The following MROH6 variants were observed in gnomAD, a reference collection of about 807,000 sequenced individuals.
The protein encoded by MROH6 is maestro heat-like repeat-containing protein family member 6.
MROH6 carries 62 observed loss-of-function variants against 67.7 expected under a neutral mutation model. The ratio of observed to expected loss-of-function variants is 0.92; its 90% CI spans 0.75 to 1.13. MROH6 has a LOEUF of 1.13. Ranked by LOEUF, MROH6 falls within the 50% of genes most tolerant of loss-of-function variation. MROH6 has a pLI of 0.00. For synonymous variants in MROH6, 566 were observed against 470.8 expected, an observed-to-expected ratio of 1.20 and a Z score of -2.62; for missense variants, 1,175 against 1,029.1, an observed-to-expected ratio of 1.14 and a Z score of -1.94.
In MROH6 at chr8:143,572,435, C is replaced by A; in HGVS notation, c.280G>T (p.Glu94Ter). Reference protein sequence around the residue: ...SLNSALEPAPEGPHQVPQSSW... With the variant: ...SLNSALEPAP ...TCCCCCGTCACCTGGTGGGGCCCCT[C>A]AGGGGCTGGTTCCAGGGCACTGTTG... is the stretch of plus-strand genomic sequence containing the variant. Residue 94 changes from glutamate (E) to a stop codon, truncating the protein, a stop_gained, in exon 1 of 14, where the codon GAG (glutamate) becomes TAG (stop). Transcript: ENST00000398882. LOFTEE classifies it high-confidence loss of function. The A allele has an allele frequency of 6.3e-7, 1 of 1,583,848 alleles. No homozygotes were observed. The highest frequency in any genetic ancestry group is 8.6e-7 in the Non-Finnish European group (1 of 1,168,156).
At position 143,569,686 on chromosome 8, in the gene MROH6, TTC is replaced by T. The variant is rs778282535; in HGVS notation, c.1302+9_1302+10del. 6.2e-7 allele frequency: 1 copy of T among 1,611,650 alleles called. No homozygotes were observed. Among genetic ancestry groups the T allele is most frequent in the East Asian group, 2.2e-5 (1 of 44,818 alleles). Reference sequence around the variant, plus strand: ...GCCAAGCCCCTCTCCACCCCTCCCCTTCTCTCACACCTTCCTGCGATTCAGCG... The same window carrying T: ...GCCAAGCCCCTCTCCACCCCTCCCCTTCTCACACCTTCCTGCGATTCAGCG... On this transcript the variant is annotated intron_variant, in intron 8 of 13. Transcript: ENST00000398882.
rs771100256 is a variant in MROH6, at chr8:143,568,231, G to C, written c.1675C>G (p.His559Asp). The C allele has an allele frequency of 6.2e-7, 1 of 1,610,576 alleles. No individual in the cohort carries two copies. The highest frequency in any genetic ancestry group is 2.2e-5 in the East Asian group (1 of 44,810). The change falls in exon 11 of 14, where the codon CAC becomes GAC. Residue 559 changes from histidine (H) to aspartate (D), a missense_variant. Transcript: ENST00000398882. ...TCCAGCAGGCCCCAGCAAAAGGCGTGGTCACAGCGGGCCAGGGTCCACTCT... is the reference window on the plus strand; with the variant it reads ...TCCAGCAGGCCCCAGCAAAAGGCGTCGTCACAGCGGGCCAGGGTCCACTCT... Reference protein sequence around the residue: ...SSEWTLARCDHAFCWGLLEEL... With the variant: ...SSEWTLARCDDAFCWGLLEEL...
At chr8:143,570,434 A>G (rs759801482) in intron 5 of MROH6, 39 bp downstream of exon 5, 1 of 1,606,228 alleles carries the variant, frequency 6.2e-7, no homozygotes, top group Non-Finnish European at 8.5e-7. Context: ...GGGTGACAGC[A>G]TGCTGGCCCG....
At chr8:143,570,440 GCCCGCCCC>G (rs767868140) in intron 5 of MROH6, 25 bp downstream of exon 5, 1 of 1,202,070 alleles carries the variant, frequency 8.3e-7, no homozygotes, top group South Asian at 1.9e-5. Flanking sequence ...CAGCATGCTG[GCCCGCCCC>G]ACGTAACCTG....
chr8:143,571,475 G>C (rs1219152682), intron 3 of MROH6, among the ~76,000 whole-genome samples, 192 bp downstream of exon 3: 1 of 152,238 alleles, frequency 6.6e-6, no homozygotes, highest in African/African-American at 2.4e-5. Flanking sequence ...CTCTGTGGCA[G>C]GAGTGTGGGG....
At chr8:143,570,798 C>A in intron 4 of MROH6, 79 bp downstream of exon 4, 1 of 1,418,892 alleles carries the variant, frequency 7.0e-7, no homozygotes. Context: ...TAGGTGCAAA[C>A]TCCCTATGCC....
intron 2 of MROH6, 59 bp downstream of exon 2, chr8:143,571,974 A>G: frequency 6.6e-7 from 1 of 1,525,474 alleles, no homozygotes; most frequent in Non-Finnish European, 8.8e-7. Context: ...GGCCCCTCCC[A>G]CCACCTTGGT....
At chr8:143,571,497 A>T (rs1182854252) in intron 3 of MROH6, among the ~76,000 whole-genome samples, 170 bp downstream of exon 3, 3 of 152,112 alleles carry the variant, frequency 2.0e-5, no homozygotes, top group Non-Finnish European at 2.9e-5. Context: ...GAGTTTGCGG[A>T]GCTAAAAATG....
chr8:143,570,048 G>C lies in MROH6; in HGVS notation c.1061C>G (p.Ala354Gly). The C allele has an allele frequency of 6.2e-7, 1 of 1,611,516 alleles. No homozygotes were observed. Among genetic ancestry groups the C allele is most frequent in the Non-Finnish European group, 8.5e-7 (1 of 1,179,774 alleles). Residue 354 changes from alanine (A) to glycine (G), a missense_variant, in exon 7 of 14, where the codon GCC becomes GGC. Transcript: ENST00000398882. ...LLLASAMVAH[A>G]DHHLRGLFAD... ...GAAGAGGCCTCGCAGGTGGTGGTCGGCATGTGCCACCATAGCACTGGGGTG... is the reference window on the plus strand; with the variant it reads ...GAAGAGGCCTCGCAGGTGGTGGTCGCCATGTGCCACCATAGCACTGGGGTG...
rs918138399 is a variant in MROH6, at chr8:143,572,503, C to G, written c.212G>C (p.Arg71Pro). The G allele has an allele frequency of 1.2e-6, 2 of 1,604,926 alleles. No individual in the cohort carries two copies. The highest frequency in any genetic ancestry group is 1.7e-5 in the Admixed American group (1 of 59,338). The stretch of plus-strand genomic sequence containing the variant: ...GCCAGCTTCAGGGACGGTGGCCCCA[C>G]GTCCAGGCTCTGCCTCAGAGGGGGC... ...LTAPSEAEPGRGATVPEAGSE... is the reference protein window; with the variant it reads ...LTAPSEAEPGPGATVPEAGSE... Residue 71 changes from arginine to proline, a missense_variant, in exon 1 of 14, where the codon CGT becomes CCT. Arg to Pro is a moderately radical substitution (Grantham distance 103, BLOSUM62 -2). Transcript: ENST00000398882.
At chr8:143,571,148 G>C (rs1436500345) in intron 3 of MROH6, among the ~76,000 whole-genome samples, 154 bp from the exon 4 acceptor site, 1 of 152,168 alleles carries the variant, frequency 6.6e-6, no homozygotes, top group Non-Finnish European at 1.5e-5. Flanking sequence ...AAATCTCAGA[G>C]AAACAAATGA....
At position 143,570,022 on chromosome 8, in the gene MROH6, C is replaced by T. The variant is rs1479475802; in HGVS notation, c.1087G>A (p.Ala363Thr). Residue 363 changes from alanine to threonine, a missense_variant, in exon 7 of 14, where the codon GCA (alanine) becomes ACA (threonine). Transcript: ENST00000398882. The part of the protein sequence containing the change: ...HADHHLRGLF[A>T]DLLPRLRSAD... ...CTGCGAAGCCGAGGGAGCAAGTCTG[C>T]GAAGAGGCCTCGCAGGTGGTGGTCG... 1.2e-6 allele frequency: 2 copies of T among 1,612,818 alleles called. No individual in the cohort carries two copies. The highest frequency in any genetic ancestry group is 1.7e-5 in the Admixed American group (1 of 60,000).
Position 143,567,441 on chromosome 8 carries a change from G to T in MROH6, c.1958C>A (p.Pro653His). 1 of 1,361,262 alleles carries T rather than the reference G, an allele frequency of 7.3e-7. No homozygotes were observed. The highest frequency in any genetic ancestry group is 9.5e-7 in the Non-Finnish European group (1 of 1,054,972). 84.3% of individuals were successfully genotyped at this position (1,361,262 alleles called of 1,614,324 possible). Residue 653 changes from proline (P) to histidine (H), a missense_variant, in exon 14 of 14, where the codon CCC becomes CAC. Physicochemically the swap from Pro to His is moderately conservative, Grantham distance 77 (BLOSUM62 -2). Transcript: ENST00000398882. ...FQDLGRLQSD[P>H]KPAVAAAAHV... Reference sequence around the variant, plus strand: ...CGCTGCCGCGGCCACAGCCGGCTTGGGGTCGCTCTGCAGTCGCCCTAGGTC... The same window carrying T: ...CGCTGCCGCGGCCACAGCCGGCTTGTGGTCGCTCTGCAGTCGCCCTAGGTC...
At chr8:143,568,843 G>A (rs1309508807) in intron 9 of MROH6, 124 bp from the exon 10 acceptor site, 3 of 720,698 alleles carry the variant, frequency 4.2e-6, no homozygotes, top group Non-Finnish European at 6.5e-6. Context: ...GGTGTGATCT[G>A]GGGACAGGGA....
In MROH6 at chr8:143,570,933, C is replaced by G; in HGVS notation, c.664G>C (p.Val222Leu). 6.5e-7 allele frequency: 1 copy of G among 1,549,000 alleles called. No homozygotes were observed. The highest frequency in any genetic ancestry group is 8.7e-7 in the Non-Finnish European group (1 of 1,146,916). ...CCCTTCAGCGCCCACAGCAGTTGCA[C>G]CAGCACCTGCCCATTTACACGCTGG... ...RNQRVNGQVL[V>L]QLLWALKGAS... The change falls in exon 4 of 14, where the codon GTG becomes CTG. Residue 222 changes from valine (V) to leucine (L), a missense_variant. Physicochemically the swap from Val to Leu is conservative, Grantham distance 32. Transcript: ENST00000398882.
chr8:143,570,829 A>ACCCCCC, intron 4 of MROH6, 48 bp downstream of exon 4: 57 of 572,202 alleles, frequency 1.0e-4, no homozygotes, highest in Middle Eastern at 5.3e-4. Flanking sequence ...GCTCCTCGCC[A>ACCCCCC]CCCCCCACCC....
rs13255489 is a variant in MROH6 at position 143,567,798 on chromosome 8, C to T, written c.1855G>A (p.Ala619Thr). 1,219,391 of 1,540,424 alleles carry T rather than the reference C, an allele frequency of 0.79. 484,533 individuals carry two copies. Among genetic ancestry groups the T allele is most frequent in the East Asian group, 0.97 (42,524 of 44,016 alleles). The change falls in exon 12 of 14, where the codon GCC becomes ACC. Residue 619 changes from alanine to threonine, a missense_variant. Coordinates refer to ENST00000398882, the MANE Select transcript of MROH6 (RefSeq NM_001100878.2). ...CGGGCGGCCTCACCTATAAGCACGG[C>T]GGCTGCCCGGCGCAGGGGGTCCTGT... ...SPQDPLRRAA[A>T]VLIGFLVHHA...
chr8:143,568,785 G>C, intron 9 of MROH6, 66 bp from the exon 10 acceptor site: 1 of 1,256,894 alleles, frequency 8.0e-7, no homozygotes, highest in Non-Finnish European at 1.1e-6. Context: ...GGAGGGGGCG[G>C]CCAGCGCGGA....
intron 3 of MROH6, 38 bp downstream of exon 3, chr8:143,571,629 G>T: frequency 6.4e-7 from 1 of 1,551,762 alleles, no homozygotes. Context: ...AGGGAAGGAA[G>T]CCGCGTGGGG....
Sources: gnomAD v4.1 joint callset for allele counts (sites outside exome capture counted in the v4.1 genomes callset) on GRCh38, gnomAD v4.1.1 for gene constraint, MANE v1.5 for transcripts, NCBI Gene and HGNC (gene_info 2026-07-23, HGNC 2026-07-21) for gene names.